The following MSRA variants were observed in gnomAD, a reference collection of about 807,000 sequenced individuals.
The protein encoded by MSRA is mitochondrial peptide methionine sulfoxide reductase.
In MSRA, 54 loss-of-function variants were observed where a neutral mutation model predicts 31.3. That is an observed-to-expected ratio of 1.73 (90% CI 1.39 to 2.17). The LOEUF (loss-of-function observed/expected upper bound fraction) is 2.17, where lower values mean the gene tolerates loss of function less well. Among genes scored for constraint, MSRA ranks in the 30% most tolerant of loss-of-function variants. The pLI is 0.00. For missense variants in MSRA, 507 were observed against 300.9 expected (o/e 1.69, Z -5.07); for synonymous variants, 169 against 116.5 (o/e 1.45, Z -2.90).
rs141163197 is a variant in MSRA at position 10,291,712 on chromosome 8, C to G, written c.332-9822C>G. 2.3e-4 allele frequency among the ~76,000 whole-genome samples: 35 copies of G among 152,076 alleles called. No individual in the cohort carries two copies. In the East Asian group the frequency reaches 4.6e-3, roughly 20 times the overall value. On this transcript the variant is annotated intron_variant, in intron 3 of 5. Coordinates refer to ENST00000317173, the MANE Select transcript of MSRA (RefSeq NM_012331.5). ...TCAAACACCTGGATCATTCTGTGTGCTCTTTGATTTGGTTTAACGGTTTGG... is the reference window on the plus strand; with the variant it reads ...TCAAACACCTGGATCATTCTGTGTGGTCTTTGATTTGGTTTAACGGTTTGG...
chr8:10,303,946 A>AT (rs545670704), intron 4 of MSRA, among the ~76,000 whole-genome samples: 123 of 151,986 alleles, frequency 8.1e-4, no homozygotes, highest in Non-Finnish European at 1.4e-3. Flanking sequence ...TTATTTTATT[A>AT]TTTTTTTGAG....
At chr8:10,373,986 C>G (rs1805619611) in intron 5 of MSRA, among the ~76,000 whole-genome samples, 1 of 152,348 alleles carries the variant, frequency 6.6e-6, no homozygotes, top group African/African-American at 2.4e-5. Flanking sequence ...ATGCATGTCT[C>G]ACTGCCATGC....
At chr8:10,275,539 G>C (rs1799276802) in intron 3 of MSRA, among the ~76,000 whole-genome samples, 1 of 152,192 alleles carries the variant, frequency 6.6e-6, no homozygotes, top group African/African-American at 2.4e-5. Flanking sequence ...GAAATAAGTA[G>C]CAAAGAGTCC....
intron 1 of MSRA, among the ~76,000 whole-genome samples, chr8:10,110,833 C>T (rs556065142): frequency 6.6e-5 from 10 of 152,264 alleles, no homozygotes; most frequent in South Asian, 4.1e-4. Context: ...AATCTAATTT[C>T]GACACGTGGC....
intron 5 of MSRA, among the ~76,000 whole-genome samples, chr8:10,339,072 T>C (rs1803241924): frequency 6.6e-6 from 1 of 152,234 alleles, no homozygotes; most frequent in Admixed American, 6.5e-5. Context: ...TGTTCCCTTG[T>C]TCTTATGAAC....
At chr8:10,354,362 C>CGAG (rs1170542201) in intron 5 of MSRA, among the ~76,000 whole-genome samples, 1 of 152,102 alleles carries the variant, frequency 6.6e-6, no homozygotes, top group Non-Finnish European at 1.5e-5. Flanking sequence ...CACACAAATG[C>CGAG]GAGGACACAA....
chr8:10,379,332 A>G lies in MSRA; in HGVS notation c.544-48816A>G, dbSNP rs112410170. ...GAAAAAAAAAAAATCCAGCCAGCCC[A>G]GAACAGATACAGAATCTGCAGGGAT... is the stretch of plus-strand genomic sequence containing the variant. On this transcript the variant is annotated intron_variant, in intron 5 of 5. Coordinates refer to ENST00000317173, the MANE Select transcript of MSRA (RefSeq NM_012331.5). Among the ~76,000 whole-genome samples, 455 of 151,696 alleles carry G rather than the reference A, an allele frequency of 3.0e-3. 3 individuals carry two copies. Among genetic ancestry groups the G allele is most frequent in the African/African-American group, 0.01 (422 of 41,440 alleles).
rs780590833 is a variant in MSRA, at chr8:10,179,957, A to G, written c.143-27876A>G. ...ACAAAACATTTCTGACACCAACTGT[A>G]TAGATTTTCCACACCAAGCCATTCT... On this transcript the variant is annotated intron_variant, in intron 1 of 5. Transcript: ENST00000317173. Among the ~76,000 whole-genome samples the G allele has an allele frequency of 1.1e-4, 17 of 152,180 alleles. 1 individual carries two copies. Among genetic ancestry groups the G allele is most frequent in the Non-Finnish European group, 2.4e-4 (16 of 68,040 alleles).
chr8:10,293,505 A>C (rs1057291079), intron 3 of MSRA, among the ~76,000 whole-genome samples: 2 of 152,180 alleles, frequency 1.3e-5, no homozygotes, highest in African/African-American at 4.8e-5. Flanking sequence ...ATCTCTGAGC[A>C]TCTTAGCCTG....
Position 10,255,426 on chromosome 8 carries a change from G to A in MSRA, c.331+10203G>A, listed in dbSNP as rs535021976. 5.9e-4 allele frequency among the ~76,000 whole-genome samples: 90 copies of A among 152,312 alleles called. 2 individuals carry two copies. The South Asian group carries it at 0.018, about 30-fold the overall frequency. On this transcript the variant is annotated intron_variant, in intron 3 of 5. Transcript: ENST00000317173. Reference sequence around the variant, plus strand: ...TCCCAGAGCATCCCGTTCTCCCAGTGAAATTCCGTTTTCAATTTCAGCCTG... The same window carrying A: ...TCCCAGAGCATCCCGTTCTCCCAGTAAAATTCCGTTTTCAATTTCAGCCTG...
intron 1 of MSRA, among the ~76,000 whole-genome samples, chr8:10,199,522 G>A (rs1306352673): frequency 6.6e-6 from 1 of 151,996 alleles, no homozygotes; most frequent in Non-Finnish European, 1.5e-5. Flanking sequence ...GTTTCACCAT[G>A]TTGGCCAGGA....
chr8:10,362,444 C>T lies in MSRA; in HGVS notation c.543+42455C>T, dbSNP rs556435038. ...AGCCACTAAATCAGAAATTCCCACC[C>T]AAAGTCATACCATAAGCAAAAAAAA... On this transcript the variant is annotated intron_variant, in intron 5 of 5. Transcript: ENST00000317173. Among the ~76,000 whole-genome samples, 15 of 124,270 alleles carry T rather than the reference C, an allele frequency of 1.2e-4. No individual in the cohort carries two copies. In the South Asian group the frequency reaches 4.0e-3, roughly 33 times the overall value. The allele number at this position is 124,270 out of a possible 152,430, so 81.5% of individuals were successfully genotyped here.
chr8:10,325,401 T>C (rs181087092), intron 5 of MSRA, among the ~76,000 whole-genome samples: 37 of 152,208 alleles, frequency 2.4e-4, no homozygotes, highest in African/African-American at 8.7e-4. Context: ...GCAACAACAG[T>C]ACCAACAGAG....
chr8:10,368,904 G>A (rs1224477154), intron 5 of MSRA, among the ~76,000 whole-genome samples: 1 of 152,128 alleles, frequency 6.6e-6, no homozygotes, highest in Non-Finnish European at 1.5e-5. Context: ...CCAAGCAAAG[G>A]CTTCTCCCCT....
intron 5 of MSRA, among the ~76,000 whole-genome samples, chr8:10,381,353 G>T (rs1184133743): frequency 2.0e-5 from 3 of 152,074 alleles, no homozygotes. Context: ...GTTTCACCCT[G>T]AGTAATTAGC....
intron 5 of MSRA, among the ~76,000 whole-genome samples, chr8:10,334,648 A>G (rs535486991): frequency 6.6e-6 from 1 of 152,294 alleles, no homozygotes; most frequent in South Asian, 2.1e-4. Flanking sequence ...TAACGCTTCC[A>G]GAGATCAGAG....
At chr8:10,186,573 C>T (rs1035668930) in intron 1 of MSRA, among the ~76,000 whole-genome samples, 1 of 152,188 alleles carries the variant, frequency 6.6e-6, no homozygotes, top group East Asian at 1.9e-4. Context: ...TTTTGCCAAT[C>T]CCCTGTTCTA....
At chr8:10,287,306 G>A (rs1474086301) in intron 3 of MSRA, among the ~76,000 whole-genome samples, 1 of 152,138 alleles carries the variant, frequency 6.6e-6, no homozygotes. Context: ...AAATAATTTG[G>A]CCTCATTGAG....
intron 5 of MSRA, among the ~76,000 whole-genome samples, chr8:10,324,046 T>C (rs1802218377): frequency 6.6e-6 from 1 of 152,178 alleles, no homozygotes; most frequent in Non-Finnish European, 1.5e-5. Context: ...GCTAATTGAC[T>C]GAAACCCAGA....
Sources: allele counts gnomAD v4.1 joint callset (sites outside exome capture counted in the v4.1 genomes callset), GRCh38; gene constraint gnomAD v4.1.1; transcripts MANE v1.5; gene names NCBI Gene and HGNC (gene_info 2026-07-23, HGNC 2026-07-21).